The following RUVBL1 variants were observed in gnomAD, a reference collection of about 807,000 sequenced individuals.
RUVBL1 encodes the protein RuvB like AAA ATPase 1, also known as ruvB-like 1.
Under a neutral mutation model 52.4 loss-of-function variants are expected in RUVBL1, and 4 were observed. The ratio of observed to expected loss-of-function variants is 0.08; its 90% CI spans 0.04 to 0.17. The LOEUF (loss-of-function observed/expected upper bound fraction) is 0.17. Among genes scored for constraint, RUVBL1 ranks in the 10% least tolerant of loss-of-function variants. RUVBL1 has a pLI of 1.00. For missense variants in RUVBL1, 298 were observed against 572.8 expected (o/e 0.52, Z 4.90); for synonymous variants, 217 against 214.4 (o/e 1.01, Z -0.10).
At chr3:128,101,196 A>C (rs1232030423) in intron 5 of RUVBL1, among the ~76,000 whole-genome samples, 1 of 152,250 alleles carries the variant, frequency 6.6e-6, no homozygotes, top group Non-Finnish European at 1.5e-5. Context: ...TCCCACATGC[A>C]TATATCTTGG....
Position 128,114,494 on chromosome 3 carries a change from A to T in RUVBL1, c.229-1474T>A, listed in dbSNP as rs533524706. On this transcript the variant is annotated intron_variant, in intron 2 of 10. Transcript: ENST00000322623. Reference sequence around the variant, plus strand: ...CAAATCTCAGGTGCCCGATTTCCTCATCTGTCAAATGAAAGTACTAAAGTG... The same window carrying T: ...CAAATCTCAGGTGCCCGATTTCCTCTTCTGTCAAATGAAAGTACTAAAGTG... Among the ~76,000 whole-genome samples the T allele has an allele frequency of 2.0e-5, 3 of 152,224 alleles. No homozygotes were observed. The East Asian group carries it at 5.8e-4, about 29-fold the overall frequency.
chr3:128,153,179 A>C, intron 1 of RUVBL1: 1 of 1,240,718 alleles, frequency 8.1e-7, no homozygotes, highest in Non-Finnish European at 1.0e-6. Flanking sequence ...TAGCTATAGA[A>C]AAGTTCTCCA....
At chr3:128,118,925 A>G (rs117541703) in intron 2 of RUVBL1, among the ~76,000 whole-genome samples, 1 of 152,140 alleles carries the variant, frequency 6.6e-6, no homozygotes, top group Non-Finnish European at 1.5e-5. Context: ...CATCTCCCAC[A>G]CAGCCACAAT....
chr3:128,133,996 T>C (rs764978619), intron 1 of RUVBL1, among the ~76,000 whole-genome samples: 25 of 152,056 alleles, frequency 1.6e-4, no homozygotes, highest in South Asian at 4.1e-4. Context: ...GCAACGAAAT[T>C]CAAGATAATG....
rs1021067951 is a variant in RUVBL1 at position 128,082,293 on chromosome 3, C to T, written c.1211+190G>A. On this transcript the variant is annotated intron_variant, in intron 10 of 10. Coordinates refer to ENST00000322623, the MANE Select transcript of RUVBL1 (RefSeq NM_003707.3). This position sits in a 1 kb window ranked among gnomAD's most constrained non-coding sequence, Gnocchi z 4.7. ...CATGGGGACTTCACCCTTACTCTAG[C>T]TTGTTAAAAACCATCAGATAGATCC... 1.8e-6 allele frequency: 1 copy of T among 560,482 alleles called. No homozygotes were observed. Among genetic ancestry groups the T allele is most frequent in the Admixed American group, 3.2e-5 (1 of 31,506 alleles). The allele number at this position is 560,482 out of a possible 1,614,324, so 34.7% of individuals were successfully genotyped here.
At chr3:128,110,432 G>A (rs985546487) in intron 3 of RUVBL1, among the ~76,000 whole-genome samples, 1 of 152,118 alleles carries the variant, frequency 6.6e-6, no homozygotes, top group Admixed American at 6.5e-5. Flanking sequence ...AGGAGTTAAA[G>A]GCCAGCCTGG....
chr3:128,118,605 G>A (rs1943577250), intron 2 of RUVBL1, among the ~76,000 whole-genome samples: 1 of 151,882 alleles, frequency 6.6e-6, no homozygotes, highest in East Asian at 1.9e-4. Context: ...CAAGTATCTG[G>A]CCAGTCCCCT....
downstream of RUVBL1, among the ~76,000 whole-genome samples, chr3:128,079,791 C>T (rs1028146664): frequency 2.0e-5 from 3 of 152,226 alleles, no homozygotes; most frequent in Admixed American, 6.5e-5. Flanking sequence ...GACATGACTA[C>T]AGGGGACTGT....
intron 9 of RUVBL1, chr3:128,069,941 T>G: frequency 2.9e-6 from 1 of 342,162 alleles, no homozygotes; most frequent in Non-Finnish European, 5.3e-6. Flanking sequence ...CATGTAACTT[T>G]TGTTTTAACC....
intron 9 of RUVBL1, among the ~76,000 whole-genome samples, chr3:128,073,188 G>A (rs1430022268): frequency 6.6e-6 from 1 of 152,262 alleles, no homozygotes; most frequent in Non-Finnish European, 1.5e-5. Flanking sequence ...GACGTAGCTG[G>A]GGCAAGGAAT....
intron 7 of RUVBL1, 55 bp from the exon 8 acceptor site, chr3:128,097,553 C>A: frequency 6.7e-7 from 1 of 1,486,362 alleles, no homozygotes; most frequent in Non-Finnish European, 9.4e-7. Context: ...GGGAGACTAT[C>A]GCCTTTTCTC....
At chr3:128,111,179 C>T (rs934515901) in intron 3 of RUVBL1, among the ~76,000 whole-genome samples, 2 of 149,164 alleles carry the variant, frequency 1.3e-5, no homozygotes, top group African/African-American at 5.0e-5. Flanking sequence ...GAGCTGAGAT[C>T]ACGCCACTGC....
In RUVBL1 at chr3:128,081,887, G is replaced by T. The variant is rs1257919409; in HGVS notation, c.1212-478C>A. 1 of 164,398 alleles carries T rather than the reference G, an allele frequency of 6.1e-6. No individual in the cohort carries two copies. Among genetic ancestry groups the T allele is most frequent in the Non-Finnish European group, 1.3e-5 (1 of 74,220 alleles). 10.2% of individuals were successfully genotyped at this position (164,398 alleles called of 1,614,324 possible). ...TTTCTGCCTTCAACCTCAGGAGCAA[G>T]AACTGACTCAAGGGATGTAGGGAAG... is the stretch of plus-strand genomic sequence containing the variant. On this transcript the variant is annotated intron_variant, in intron 10 of 10. Transcript: ENST00000322623. This position sits in a 1 kb window ranked among gnomAD's most constrained non-coding sequence, Gnocchi z 4.8.
At chr3:128,094,563 G>T (rs1942925953) in intron 8 of RUVBL1, among the ~76,000 whole-genome samples, 1 of 152,198 alleles carries the variant, frequency 6.6e-6, no homozygotes, top group African/African-American at 2.4e-5. Context: ...GTTCCTCTGG[G>T]CTCAGGTTCC....
At chr3:128,151,120 C>T (rs1944202513) in intron 1 of RUVBL1, among the ~76,000 whole-genome samples, 1 of 115,604 alleles carries the variant, frequency 8.7e-6, no homozygotes, top group African/African-American at 3.3e-5. Context: ...TGTATATATT[C>T]TATATATATT....
chr3:128,145,882 C>G (rs758313942), intron 1 of RUVBL1, among the ~76,000 whole-genome samples: 7 of 152,212 alleles, frequency 4.6e-5, no homozygotes, highest in Non-Finnish European at 7.3e-5. Context: ...TTCCCTCCAG[C>G]CAACCTGTTC....
exon 1 of RUVBL1, chr3:128,153,475 G>C: frequency 6.8e-7 from 1 of 1,465,886 alleles, no homozygotes; most frequent in East Asian, 2.7e-5. Flanking sequence ...GTGAGGGGCG[G>C]GCCGGGCGGG....
exon 1 of RUVBL1, chr3:128,153,836 C>T (rs759266664): frequency 3.1e-5 from 46 of 1,498,732 alleles, no homozygotes; most frequent in Non-Finnish European, 3.9e-5. Flanking sequence ...GAGCGCGGGC[C>T]GGGGCGGGAG....
At chr3:128,149,928 C>T (rs1243550847) in intron 1 of RUVBL1, among the ~76,000 whole-genome samples, 1 of 152,244 alleles carries the variant, frequency 6.6e-6, no homozygotes, top group Non-Finnish European at 1.5e-5. Context: ...CTTTGAAAGA[C>T]ATTTTCAGGA....
Sources: gnomAD v4.1 joint callset for allele counts (sites outside exome capture counted in the v4.1 genomes callset) on GRCh38, gnomAD v4.1.1 for gene constraint, Gnocchi (gnomAD v3.1) non-coding constraint, MANE v1.5 for transcripts, NCBI Gene and HGNC (gene_info 2026-07-23, HGNC 2026-07-21) for gene names.